AP3B1: variants seen among roughly 807,000 people sequenced by gnomAD.
The protein encoded by AP3B1 is AP-3 complex subunit beta-1.
In AP3B1, 61 loss-of-function variants were observed where a neutral mutation model predicts 132.5. That is an observed-to-expected ratio of 0.46 (90% CI 0.37 to 0.57). The LOEUF (loss-of-function observed/expected upper bound fraction) is 0.57, where lower values mean the gene tolerates loss of function less well. Among genes scored for constraint, AP3B1 ranks in the 20% least tolerant of loss-of-function variants. The probability of loss-of-function intolerance (pLI) is 0.00; values close to 1 mark genes in which losing one functional copy is unlikely to be tolerated. For missense variants in AP3B1, 1,120 were observed against 1,289.4 expected (o/e 0.87, Z 2.01); for synonymous variants, 388 against 438.3 (o/e 0.89, Z 1.43).
At chr5:78,181,757 C>T in intron 7 of AP3B1, 95 bp from the exon 8 acceptor site, 1 of 1,050,772 alleles carries the variant, frequency 9.5e-7, no homozygotes, top group South Asian at 1.4e-5. Flanking sequence ...ACATCTATAA[C>T]AACATTTTAC....
chr5:78,038,491 T>G (rs1456035318), intron 23 of AP3B1, among the ~76,000 whole-genome samples: 1 of 152,206 alleles, frequency 6.6e-6, no homozygotes. Context: ...CATAATGTTT[T>G]AAGAAACTTT....
intron 2 of AP3B1, among the ~76,000 whole-genome samples, chr5:78,249,069 T>C (rs1007547014): frequency 3.3e-5 from 5 of 152,166 alleles, no homozygotes; most frequent in Admixed American, 3.3e-4. Flanking sequence ...TAAATTTGTA[T>C]CTTGGCTGGG....
chr5:78,116,353 A>T, intron 17 of AP3B1, 119 bp from the exon 18 acceptor site: 2 of 808,664 alleles, frequency 2.5e-6, no homozygotes, highest in Non-Finnish European at 4.1e-6. Flanking sequence ...CTCCACAGGG[A>T]ATGCAACTGT....
At position 78,141,045 on chromosome 5, in the gene AP3B1, T is replaced by C. The variant is rs528889959; in HGVS notation, c.1650+98A>G. On this transcript the variant is annotated intron_variant, in intron 15 of 26. Coordinates refer to ENST00000255194, the MANE Select transcript of AP3B1 (RefSeq NM_003664.5). ...GAAACAAACAGGCACCTAGAAATTG[T>C]TGAATGGTCAGACTAATGAAGGCAC... 3.0e-4 allele frequency: 338 copies of C among 1,117,802 alleles called. 4 individuals carry two copies. In the South Asian group the frequency reaches 4.0e-3, roughly 13 times the overall value. 69.2% of individuals were successfully genotyped at this position (1,117,802 alleles called of 1,614,324 possible).
At chr5:78,167,099 T>C (rs568225472) in intron 11 of AP3B1, among the ~76,000 whole-genome samples, 4 of 152,178 alleles carry the variant, frequency 2.6e-5, no homozygotes, top group African/African-American at 9.6e-5. Flanking sequence ...TCTATACATC[T>C]GACAAAGGAC....
chr5:78,083,155 A>C (rs1398690909), intron 22 of AP3B1, among the ~76,000 whole-genome samples: 1 of 152,080 alleles, frequency 6.6e-6, no homozygotes, highest in Non-Finnish European at 1.5e-5. Flanking sequence ...TCAGACTCTG[A>C]TTTTTCCATA....
intron 22 of AP3B1, among the ~76,000 whole-genome samples, chr5:78,072,046 A>C (rs1226512528): frequency 6.6e-6 from 1 of 152,228 alleles, no homozygotes; most frequent in African/African-American, 2.4e-5. Flanking sequence ...TATGTAAATG[A>C]ATGAGTTTCT....
intron 22 of AP3B1, among the ~76,000 whole-genome samples, chr5:78,082,027 C>T (rs1750032369): frequency 6.6e-6 from 1 of 152,152 alleles, no homozygotes; most frequent in African/African-American, 2.4e-5. Flanking sequence ...AGCAATAATC[C>T]TTTCTGTACA....
intron 4 of AP3B1, 86 bp downstream of exon 4, chr5:78,228,058 T>C (rs1561488863): frequency 2.3e-6 from 2 of 878,932 alleles, no homozygotes; most frequent in Non-Finnish European, 3.5e-6. Context: ...TGCTATTTAG[T>C]GGATTATCGC....
chr5:78,072,082 A>G (rs775054547), intron 22 of AP3B1, among the ~76,000 whole-genome samples: 7 of 152,228 alleles, frequency 4.6e-5, no homozygotes, highest in Admixed American at 2.0e-4. Context: ...AAAACGCATT[A>G]TGAAAAATTT....
chr5:78,072,069 T>A lies in AP3B1; in HGVS notation c.2577+17324A>T, dbSNP rs934374054. ...TGAATGAGTTTCTGAAATTACGCAC[T>A]TAAAAACGCATTATGAAAAATTTTC... is the stretch of plus-strand genomic sequence containing the variant. On this transcript the variant is annotated intron_variant, in intron 22 of 26. Coordinates refer to ENST00000255194, the MANE Select transcript of AP3B1 (RefSeq NM_003664.5). Among the ~76,000 whole-genome samples, 10 of 152,316 alleles carry A rather than the reference T, an allele frequency of 6.6e-5. 1 individual carries two copies. The South Asian group carries it at 2.1e-3, about 32-fold the overall frequency.
intron 26 of AP3B1, among the ~76,000 whole-genome samples, chr5:78,005,788 G>A (rs1236884390): frequency 2.6e-5 from 4 of 152,170 alleles, no homozygotes; most frequent in East Asian, 1.9e-4. Context: ...TTTGGCCCTC[G>A]GAAGGCAAAA....
At chr5:78,211,508 A>T (rs1745735648) in intron 7 of AP3B1, among the ~76,000 whole-genome samples, 1 of 152,242 alleles carries the variant, frequency 6.6e-6, no homozygotes, top group Non-Finnish European at 1.5e-5. Flanking sequence ...GAACTTATTG[A>T]CAAAAGCATG....
intron 22 of AP3B1, among the ~76,000 whole-genome samples, chr5:78,075,988 T>C (rs1475239914): frequency 6.6e-6 from 1 of 152,244 alleles, no homozygotes; most frequent in Non-Finnish European, 1.5e-5. Flanking sequence ...TTCAGGTATC[T>C]AAATCTTAAG....
At chr5:78,220,999 T>G (rs909937076) in intron 6 of AP3B1, among the ~76,000 whole-genome samples, 1 of 152,098 alleles carries the variant, frequency 6.6e-6, no homozygotes, top group Non-Finnish European at 1.5e-5. Context: ...CAGTGAGCCA[T>G]GATCACACCA....
At chr5:78,038,058 G>C (rs148426215) in intron 23 of AP3B1, among the ~76,000 whole-genome samples, 1 of 152,292 alleles carries the variant, frequency 6.6e-6, no homozygotes, top group East Asian at 1.9e-4. Flanking sequence ...AACAGGATGC[G>C]GTGGGCACAG....
At chr5:78,053,835 T>C (rs1748694935) in intron 22 of AP3B1, among the ~76,000 whole-genome samples, 1 of 152,222 alleles carries the variant, frequency 6.6e-6, no homozygotes, top group Non-Finnish European at 1.5e-5. Flanking sequence ...CGTTTTACTC[T>C]GAGCTGTACC....
At chr5:78,178,794 C>T (rs1744253050) in intron 8 of AP3B1, among the ~76,000 whole-genome samples, 1 of 152,082 alleles carries the variant, frequency 6.6e-6, no homozygotes, top group African/African-American at 2.4e-5. Flanking sequence ...TAATTTAATT[C>T]TGCCTGGTCT....
chr5:78,109,925 C>G (rs1404487202), intron 20 of AP3B1, among the ~76,000 whole-genome samples: 2 of 152,034 alleles, frequency 1.3e-5, no homozygotes, highest in Admixed American at 6.6e-5. Flanking sequence ...ATTCTTTGCT[C>G]AATACTATTT....
Sources: allele counts gnomAD v4.1 joint callset (sites outside exome capture counted in the v4.1 genomes callset), GRCh38; gene constraint gnomAD v4.1.1; transcripts MANE v1.5; gene names NCBI Gene and HGNC (gene_info 2026-07-23, HGNC 2026-07-21).